Variants in TRIM37 observed in about 807,000 individuals in gnomAD.
TRIM37 encodes E3 ubiquitin-protein ligase TRIM37.
A neutral mutation model predicts 129.8 loss-of-function variants in TRIM37; 80 were observed. The ratio of observed to expected loss-of-function variants is 0.62; its 90% CI spans 0.51 to 0.74. The LOEUF is 0.74. Among genes scored for constraint, TRIM37 ranks in the 30% least tolerant of loss-of-function variants. The pLI is 0.00. For synonymous variants in TRIM37, 389 were observed against 387.1 expected (o/e 1.00, Z -0.06); for missense variants, 1,054 against 1,176.5 (o/e 0.90, Z 1.52).
intron 17 of TRIM37, among the ~76,000 whole-genome samples, chr17:59,033,960 A>C (rs2038173290): frequency 6.6e-6 from 1 of 151,828 alleles, no homozygotes; most frequent in Non-Finnish European, 1.5e-5. Flanking sequence ...ACAAAAGAAT[A>C]GCCAGGTGTG....
At chr17:59,081,865 C>T (rs1423795264) in intron 5 of TRIM37, among the ~76,000 whole-genome samples, 2 of 149,350 alleles carry the variant, frequency 1.3e-5, no homozygotes, top group African/African-American at 2.5e-5. Flanking sequence ...TGTGATCGGG[C>T]CACTGTACTC....
Position 59,062,668 on chromosome 17 carries a change from A to G in TRIM37, c.861-20T>C, listed in dbSNP as rs770076445. The stretch of plus-strand genomic sequence containing the variant: ...AAAGTGCTAACGAAAAAGAAAACCA[A>G]CCAAATCCCAAGATCAAAACTGTTG... On this transcript the variant is annotated intron_variant, in intron 10 of 23. Transcript: ENST00000262294. 2 of 1,606,712 alleles carry G rather than the reference A, an allele frequency of 1.2e-6. No homozygotes were observed. The highest frequency in any genetic ancestry group is 2.2e-5 in the South Asian group (2 of 90,876).
intron 3 of TRIM37, 106 bp from the exon 4 acceptor site, chr17:59,088,513 C>A: frequency 1.3e-6 from 1 of 769,490 alleles, no homozygotes; most frequent in South Asian, 1.6e-5. Flanking sequence ...CATACCATAA[C>A]ACTATTTTTT....
chr17:59,091,092 G>A (rs1325380484), intron 3 of TRIM37, among the ~76,000 whole-genome samples: 3 of 152,086 alleles, frequency 2.0e-5, no homozygotes, highest in South Asian at 4.1e-4. Context: ...TTTTCTGAGA[G>A]GCAGAGTACA....
At chr17:58,996,880 A>C (rs2041969840), downstream of TRIM37, among the ~76,000 whole-genome samples, 1 of 151,896 alleles carries the variant, frequency 6.6e-6, no homozygotes, top group Admixed American at 6.6e-5. Context: ...GATGTGATGC[A>C]CTAAGGGCCT....
intron 19 of TRIM37, among the ~76,000 whole-genome samples, chr17:59,026,247 A>G (rs1345952323): frequency 6.6e-6 from 1 of 152,212 alleles, no homozygotes; most frequent in Non-Finnish European, 1.5e-5. Flanking sequence ...CTGACACCAT[A>G]AACAAAATTT....
rs183993819 is a variant in TRIM37 at position 59,072,778 on chromosome 17, G to T, written c.685-1831C>A. Among the ~76,000 whole-genome samples the T allele has an allele frequency of 1.5e-3, 226 of 151,380 alleles. 2 individuals are homozygous for T. The highest frequency in any genetic ancestry group is 4.4e-3 in the South Asian group (21 of 4,778). On this transcript the variant is annotated intron_variant, in intron 8 of 23. Coordinates refer to ENST00000262294, the MANE Select transcript of TRIM37 (RefSeq NM_015294.6). Reference sequence around the variant, plus strand: ...AAAAAAAAAGTATCATATATCATATGATATATATCAAAGTTTATAGTCTTG... The same window carrying T: ...AAAAAAAAAGTATCATATATCATATTATATATATCAAAGTTTATAGTCTTG...
At chr17:59,055,127 G>A (rs1001451143) in intron 13 of TRIM37, among the ~76,000 whole-genome samples, 1 of 151,432 alleles carries the variant, frequency 6.6e-6, no homozygotes, top group Admixed American at 6.6e-5. Flanking sequence ...ACCTGAGGTC[G>A]GGAGTTAGAA....
At chr17:58,990,418 G>C (rs189966192) in intron 24 of TRIM37, among the ~76,000 whole-genome samples, 2 of 151,568 alleles carry the variant, frequency 1.3e-5, no homozygotes, top group African/African-American at 2.4e-5. Flanking sequence ...GTGAACCTTG[G>C]AGATGGAGGT....
At chr17:59,104,552 C>T in intron 1 of TRIM37, 158 bp from the exon 2 acceptor site, 2 of 781,774 alleles carry the variant, frequency 2.6e-6, no homozygotes, top group African/African-American at 1.7e-5. Flanking sequence ...TACAGAGTAC[C>T]TCAAAACATC....
intron 8 of TRIM37, among the ~76,000 whole-genome samples, chr17:59,075,251 CA>C (rs935727175): frequency 5.2e-4 from 75 of 144,856 alleles, no homozygotes; most frequent in African/African-American, 1.6e-3. Flanking sequence ...TAATCTCTGT[CA>C]AAAAAAAAAC....
At chr17:59,029,477 A>G (rs2037599591) in intron 18 of TRIM37, among the ~76,000 whole-genome samples, 1 of 152,190 alleles carries the variant, frequency 6.6e-6, no homozygotes. Context: ...GTACCTTAAA[A>G]TCTGGTTCAA....
At chr17:58,992,088 C>G (rs748417759) in intron 24 of TRIM37, among the ~76,000 whole-genome samples, 2 of 151,650 alleles carry the variant, frequency 1.3e-5, no homozygotes, top group Non-Finnish European at 2.9e-5. Context: ...ACTAGAACAA[C>G]TCACAGAACT....
At position 59,015,648 on chromosome 17, in the gene TRIM37, C is replaced by T; in HGVS notation, c.2538G>A (p.Leu846=). ...TTTTCCTCCTTTTCTCAACCGCAGG[C>T]AAGCCACTGAAAACTGCAACCACAA... ...DAVVVAVFSG[L]PAVEKRRKMV... Residue 846 remains leucine, a synonymous_variant, in exon 21 of 24, where the codon TTG becomes TTA. Transcript: ENST00000262294. 1 of 1,614,002 alleles carries T rather than the reference C, an allele frequency of 6.2e-7. No individual in the cohort carries two copies. The highest frequency in any genetic ancestry group is 8.5e-7 in the Non-Finnish European group (1 of 1,180,018).
chr17:59,002,919 C>T (rs567277119), intron 22 of TRIM37, among the ~76,000 whole-genome samples: 74 of 152,226 alleles, frequency 4.9e-4, no homozygotes, highest in Non-Finnish European at 9.1e-4. Flanking sequence ...CAGGGTCTCA[C>T]TCTGTTACCC....
chr17:59,050,153 T>C (rs535901455), intron 14 of TRIM37, among the ~76,000 whole-genome samples: 3 of 152,248 alleles, frequency 2.0e-5, no homozygotes, highest in African/African-American at 7.2e-5. Flanking sequence ...CATTCAACAA[T>C]AGTAAGAGTT....
rs1568042100 is a variant in TRIM37 at position 59,036,450 on chromosome 17, GT to G, written c.1754-4361del. Among the ~76,000 whole-genome samples, 176 of 130,610 alleles carry G rather than the reference GT, an allele frequency of 1.3e-3. 2 individuals are homozygous for G. The highest frequency in any genetic ancestry group is 3.4e-3 in the Admixed American group (40 of 11,832). 85.7% of individuals were successfully genotyped at this position (130,610 alleles called of 152,430 possible). A position where few individuals can be genotyped will look rare whatever the true frequency, so the allele number is the denominator to read the frequency against. On this transcript the variant is annotated intron_variant, in intron 17 of 23. Transcript: ENST00000262294. ...AATCTAGTTTGTATTTGCTGGGGGT[GT>G]GTGTGTGTGTGTGTGTGTGTGTGTG...
rs1339889578 is a variant in TRIM37 at position 59,001,645 on chromosome 17, C to T, written c.2765G>A (p.Gly922Asp). 3 of 1,614,078 alleles carry T rather than the reference C, an allele frequency of 1.9e-6. No individual in the cohort carries two copies. Among genetic ancestry groups the T allele is most frequent in the South Asian group, 2.2e-5 (2 of 91,078 alleles). Residue 922 changes from glycine (G) to aspartate (D), a missense_variant, in exon 23 of 24, where the codon GGC becomes GAC. Gly to Asp is a moderately conservative substitution (Grantham distance 94). This residue lies in a region of TRIM37 where 287 missense variants were observed against 274.3 expected (regional missense o/e 1.05). Coordinates refer to ENST00000262294, the MANE Select transcript of TRIM37 (RefSeq NM_015294.6). ...NEEQEEHTSV[G>D]GFHDSFMVMT... ...GACCATGAAGGAGTCGTGAAACCCG[C>T]CCACACTGGTATGCTCTTCCTGCTC... is the stretch of plus-strand genomic sequence containing the variant.
At chr17:58,980,506 C>A (rs1189180562), downstream of TRIM37, 3 of 1,614,180 alleles carry the variant, frequency 1.9e-6, no homozygotes, top group Admixed American at 3.3e-5. The surrounding 1 kb of genome is among the most constrained non-coding windows in gnomAD (Gnocchi z 4.7). Context: ...GCAAACCTCA[C>A]AGTGCCCAGT....
Sources: allele counts gnomAD v4.1 joint callset (sites outside exome capture counted in the v4.1 genomes callset), GRCh38; gene constraint gnomAD v4.1.1; regional missense constraint gnomAD v4.1.1; non-coding constraint Gnocchi (gnomAD v3.1); transcripts MANE v1.5; gene names NCBI Gene and HGNC (gene_info 2026-07-23, HGNC 2026-07-21).